LSAMP: variants seen among roughly 807,000 people sequenced by gnomAD.
LSAMP encodes the protein limbic system associated membrane protein, also known as limbic system-associated membrane protein.
A neutral mutation model predicts 38.6 loss-of-function variants in LSAMP; 7 were observed. The ratio of observed to expected loss-of-function variants is 0.18; its 90% confidence interval spans 0.10 to 0.34. LSAMP has a LOEUF of 0.34. LSAMP is among the 10% of genes least tolerant of loss of function. The probability of loss-of-function intolerance (pLI) is 1.00; values close to 1 mark genes in which losing one functional copy is unlikely to be tolerated. For synonymous variants in LSAMP, 154 were observed against 166.8 expected (o/e 0.92, Z 0.59); for missense variants, 313 against 420.0 (o/e 0.75, Z 2.23).
intron 4 of LSAMP, among the ~76,000 whole-genome samples, chr3:115,849,629 G>A (rs1389484763): frequency 6.6e-6 from 1 of 152,126 alleles, no homozygotes; most frequent in African/African-American, 2.4e-5. Context: ...TGGATTTCAT[G>A]GCCGGTAGGA....
chr3:115,879,186 TG>T (rs1414457513), intron 3 of LSAMP, among the ~76,000 whole-genome samples: 2 of 152,122 alleles, frequency 1.3e-5, no homozygotes, highest in Non-Finnish European at 2.9e-5. Context: ...AGCAAGTAAA[TG>T]GGTTCAGATT....
chr3:116,025,007 C>T (rs1370520270), intron 2 of LSAMP, among the ~76,000 whole-genome samples: 23 of 151,824 alleles, frequency 1.5e-4, no homozygotes, highest in Admixed American at 1.4e-3. Flanking sequence ...TAGTTTAATT[C>T]TCAGGAGAAA....
rs577311282 is a variant in LSAMP at position 116,317,531 on chromosome 3, A to T, written c.155+127346T>A. ...CCACCACGTCTGGCTAATTTTTTGT[A>T]TTTTCAGTAGAGACGGAGTTTCACC... is the stretch of plus-strand genomic sequence containing the variant. On this transcript the variant is annotated intron_variant, in intron 1 of 6. Transcript: ENST00000490035. Among the ~76,000 whole-genome samples the T allele has an allele frequency of 5.3e-5, 8 of 151,332 alleles. No homozygotes were observed. In the East Asian group the frequency reaches 1.2e-3, roughly 23 times the overall value.
intron 1 of LSAMP, among the ~76,000 whole-genome samples, chr3:116,351,662 T>C (rs1464263890): frequency 3.9e-5 from 6 of 152,092 alleles, no homozygotes; most frequent in Non-Finnish European, 8.8e-5. Flanking sequence ...GATGAACTAA[T>C]TAAATGAATA....
chr3:116,248,856 T>C (rs866381152), intron 1 of LSAMP, among the ~76,000 whole-genome samples: 8 of 152,144 alleles, frequency 5.3e-5, no homozygotes, highest in Non-Finnish European at 1.0e-4. Flanking sequence ...TTCATTAAAA[T>C]GGACTAAACT....
chr3:116,126,351 G>C (rs953731584), intron 1 of LSAMP, among the ~76,000 whole-genome samples: 1 of 152,222 alleles, frequency 6.6e-6, no homozygotes, highest in Non-Finnish European at 1.5e-5. Context: ...TCTCAAGGGT[G>C]CTATAAATGG....
chr3:115,864,384 A>C (rs529483736), intron 3 of LSAMP, among the ~76,000 whole-genome samples: 25 of 152,298 alleles, frequency 1.6e-4, no homozygotes, highest in African/African-American at 6.0e-4. Flanking sequence ...CACTTTTCCT[A>C]CAGGGCTGGA....
intron 3 of LSAMP, among the ~76,000 whole-genome samples, chr3:115,966,458 A>T (rs1938817735): frequency 6.6e-6 from 1 of 152,200 alleles, no homozygotes; most frequent in Admixed American, 6.5e-5. Flanking sequence ...TAACCACATT[A>T]GAAAAAGATT....
chr3:115,938,230 C>G (rs1166765083), intron 3 of LSAMP, among the ~76,000 whole-genome samples: 2 of 152,110 alleles, frequency 1.3e-5, no homozygotes, highest in Non-Finnish European at 2.9e-5. Flanking sequence ...TGACCCAGAA[C>G]TCTACTGAGC....
At chr3:116,335,094 T>A (rs2047901879) in intron 1 of LSAMP, among the ~76,000 whole-genome samples, 2 of 152,002 alleles carry the variant, frequency 1.3e-5, no homozygotes, top group African/African-American at 4.8e-5. Context: ...ATGAATAATC[T>A]ACACAGGAAA....
At chr3:116,013,930 A>G (rs1221437532) in intron 3 of LSAMP, among the ~76,000 whole-genome samples, 1 of 152,118 alleles carries the variant, frequency 6.6e-6, no homozygotes, top group Admixed American at 6.6e-5. Flanking sequence ...GGTCCTATTC[A>G]TCCTTGAGGT....
At chr3:116,417,098 C>T (rs1296381460) in intron 1 of LSAMP, among the ~76,000 whole-genome samples, 1 of 152,056 alleles carries the variant, frequency 6.6e-6, no homozygotes, top group Non-Finnish European at 1.5e-5. Flanking sequence ...CCACATTTTT[C>T]TCCATCAAAA....
chr3:116,060,267 C>T (rs1941569865), intron 2 of LSAMP, among the ~76,000 whole-genome samples: 1 of 146,972 alleles, frequency 6.8e-6, no homozygotes, highest in Non-Finnish European at 1.5e-5. Flanking sequence ...TTCTTTATTT[C>T]TCGCAAGTCA....
At chr3:116,414,256 T>G (rs1409708988) in intron 1 of LSAMP, among the ~76,000 whole-genome samples, 1 of 151,946 alleles carries the variant, frequency 6.6e-6, no homozygotes, top group Non-Finnish European at 1.5e-5. Context: ...GCCAGCAGAC[T>G]CTTTTTCTTT....
In LSAMP at chr3:115,838,647, G is replaced by A. The variant is rs114122573; in HGVS notation, c.919+3198C>T. On this transcript the variant is annotated intron_variant, in intron 6 of 6. Transcript: ENST00000490035. ...GGTAGTGTGGATCTTTGACAAACAC[G>A]GTGCTAGAATGTGTGGAGAACTAGA... 6.4e-3 allele frequency among the ~76,000 whole-genome samples: 981 copies of A among 152,250 alleles called. 15 individuals carry two copies. Among genetic ancestry groups the A allele is most frequent in the Middle Eastern group, 6.8e-3 (2 of 294 alleles).
At chr3:116,379,832 C>T (rs922661745) in intron 1 of LSAMP, among the ~76,000 whole-genome samples, 1 of 151,902 alleles carries the variant, frequency 6.6e-6, no homozygotes, top group Non-Finnish European at 1.5e-5. Flanking sequence ...TGATAAAAGA[C>T]GCTTACTTAC....
At chr3:115,900,022 C>T (rs1350478674) in intron 3 of LSAMP, among the ~76,000 whole-genome samples, 2 of 152,116 alleles carry the variant, frequency 1.3e-5, no homozygotes, top group African/African-American at 2.4e-5. Context: ...GTGCTGTAAG[C>T]ATGATAAATA....
At chr3:116,353,523 C>G (rs745344064) in intron 1 of LSAMP, among the ~76,000 whole-genome samples, 5 of 152,144 alleles carry the variant, frequency 3.3e-5, no homozygotes, top group Non-Finnish European at 7.4e-5. Context: ...TTGGGTTCCT[C>G]TACATCCTCC....
chr3:116,000,464 G>A (rs779508967), intron 3 of LSAMP, among the ~76,000 whole-genome samples: 60 of 152,136 alleles, frequency 3.9e-4, no homozygotes, highest in South Asian at 1.7e-3. Context: ...CTCCTCAAAC[G>A]CGGATGGCCA....
Sources: gnomAD v4.1 joint callset for allele counts (sites outside exome capture counted in the v4.1 genomes callset) on GRCh38, gnomAD v4.1.1 for gene constraint, MANE v1.5 for transcripts, NCBI Gene and HGNC (gene_info 2026-07-23, HGNC 2026-07-21) for gene names.